Variants in EPHB1 observed in about 807,000 individuals in gnomAD.
EPHB1 encodes the protein ephrin type-B receptor 1.
A neutral mutation model predicts 94.4 loss-of-function variants in EPHB1; 30 were observed. That is an observed-to-expected ratio of 0.32 (90% CI 0.24 to 0.43). The LOEUF (loss-of-function observed/expected upper bound fraction) is 0.43, where lower values mean the gene tolerates loss of function less well. EPHB1 is among the 20% of genes least tolerant of loss of function. EPHB1 has a pLI of 1.00. For missense variants in EPHB1, 1,055 were observed against 1,308.3 expected (o/e 0.81, Z 2.99); for synonymous variants, 522 against 489.1 (o/e 1.07, Z -0.89).
At chr3:134,956,579 G>C (rs771222062) in intron 3 of EPHB1, among the ~76,000 whole-genome samples, 20 of 152,088 alleles carry the variant, frequency 1.3e-4, no homozygotes, top group Admixed American at 9.2e-4. Flanking sequence ...AAAGAGGAAG[G>C]GGGTATGCTT....
chr3:135,029,527 T>C (rs1936338162), intron 3 of EPHB1, among the ~76,000 whole-genome samples: 1 of 148,686 alleles, frequency 6.7e-6, no homozygotes. Flanking sequence ...AAAATTCTTT[T>C]CTTTAAGAAT....
intron 3 of EPHB1, among the ~76,000 whole-genome samples, chr3:135,084,664 G>C (rs1282393136): frequency 6.6e-6 from 1 of 152,172 alleles, no homozygotes; most frequent in Non-Finnish European, 1.5e-5. Flanking sequence ...CTGAGGTTCA[G>C]CTCCCTCATT....
At chr3:135,006,695 C>T (rs1046533244) in intron 3 of EPHB1, among the ~76,000 whole-genome samples, 6 of 152,166 alleles carry the variant, frequency 3.9e-5, no homozygotes, top group African/African-American at 1.4e-4. Context: ...GAGAATGCTG[C>T]AGTGAACATC....
chr3:135,230,434 T>C (rs1307376227), intron 12 of EPHB1, among the ~76,000 whole-genome samples: 2 of 152,094 alleles, frequency 1.3e-5, no homozygotes, highest in Non-Finnish European at 2.9e-5. Flanking sequence ...CTAAAGCCCT[T>C]TGGGGTGAGT....
intron 5 of EPHB1, among the ~76,000 whole-genome samples, chr3:135,153,210 T>C (rs1941247433): frequency 6.6e-6 from 1 of 152,048 alleles, no homozygotes; most frequent in Admixed American, 6.6e-5. Flanking sequence ...AGAGAAACCA[T>C]TGTAAAGTGG....
At chr3:135,165,904 C>G in intron 7 of EPHB1, 64 bp from the exon 8 acceptor site, 1 of 1,150,614 alleles carries the variant, frequency 8.7e-7, no homozygotes, top group Non-Finnish European at 1.3e-6. Flanking sequence ...TGGTATTGTG[C>G]ACTGAGTATC....
chr3:134,916,844 G>A (rs4955517), intron 1 of EPHB1, among the ~76,000 whole-genome samples: 8,248 of 152,304 alleles, frequency 0.054, 288 homozygotes, highest in Admixed American at 0.077. Context: ...CCTCAAGCGC[G>A]GCCAGAATGG....
At chr3:135,185,240 T>C (rs1488683017) in intron 10 of EPHB1, among the ~76,000 whole-genome samples, 1 of 151,966 alleles carries the variant, frequency 6.6e-6, no homozygotes, top group African/African-American at 2.4e-5. Context: ...GGGGATGGAG[T>C]CATCTGTGAG....
chr3:134,888,013 G>C (rs759305342), intron 1 of EPHB1, among the ~76,000 whole-genome samples: 3 of 152,192 alleles, frequency 2.0e-5, no homozygotes, highest in Admixed American at 6.5e-5. Context: ...AAGGACTTGA[G>C]CCCCTCTTCC....
chr3:134,846,838 A>G (rs1436925596), intron 1 of EPHB1, among the ~76,000 whole-genome samples: 1 of 152,194 alleles, frequency 6.6e-6, no homozygotes, highest in African/African-American at 2.4e-5. Flanking sequence ...TCACCTGGAT[A>G]AGGAATGGGC....
At chr3:135,104,179 C>G (rs1939126740) in intron 3 of EPHB1, among the ~76,000 whole-genome samples, 2 of 152,174 alleles carry the variant, frequency 1.3e-5, no homozygotes, top group Admixed American at 1.3e-4. Context: ...TCTGTATTCA[C>G]TGGCTGCAGA....
intron 10 of EPHB1, among the ~76,000 whole-genome samples, chr3:135,190,798 A>T (rs1942436376): frequency 6.6e-6 from 1 of 152,266 alleles, no homozygotes. Flanking sequence ...AAAGCCAAAC[A>T]TATAATAATA....
chr3:134,940,880 T>C (rs1431251967), intron 2 of EPHB1, among the ~76,000 whole-genome samples: 1 of 152,262 alleles, frequency 6.6e-6, no homozygotes, highest in Non-Finnish European at 1.5e-5. Flanking sequence ...TGCTTGGGGC[T>C]GCTGTAGTAG....
intron 3 of EPHB1, among the ~76,000 whole-genome samples, chr3:134,974,811 T>C (rs1379720032): frequency 6.6e-6 from 1 of 152,148 alleles, no homozygotes; most frequent in Non-Finnish European, 1.5e-5. Context: ...CGCAGTCCCA[T>C]GACTTCATCT....
intron 12 of EPHB1, among the ~76,000 whole-genome samples, chr3:135,212,232 ACCT>A (rs1480081019): frequency 6.6e-6 from 1 of 151,864 alleles, no homozygotes; most frequent in Non-Finnish European, 1.5e-5. Context: ...ATTTTTCTTT[ACCT>A]CATTGACCAT....
At chr3:134,870,847 C>T (rs1211818045) in intron 1 of EPHB1, among the ~76,000 whole-genome samples, 1 of 152,232 alleles carries the variant, frequency 6.6e-6, no homozygotes, top group Non-Finnish European at 1.5e-5. Context: ...TGTTTTTATA[C>T]TGTGTGTGGA....
intron 3 of EPHB1, among the ~76,000 whole-genome samples, chr3:135,063,260 TG>T (rs1254308948): frequency 6.6e-6 from 1 of 152,214 alleles, no homozygotes. Context: ...GTGTTAAATT[TG>T]TAGATTGCCT....
intron 3 of EPHB1, among the ~76,000 whole-genome samples, chr3:135,037,905 A>G (rs781539813): frequency 1.4e-4 from 21 of 152,356 alleles, no homozygotes; most frequent in Non-Finnish European, 2.5e-4. Context: ...ACTTGCAGGA[A>G]TTCTGCAGTT....
At position 135,010,598 on chromosome 3, in the gene EPHB1, T is replaced by C. The variant is rs39696; in HGVS notation, c.805+58546T>C. 2.2e-3 allele frequency among the ~76,000 whole-genome samples: 322 copies of C among 149,306 alleles called. 2 individuals carry two copies. The highest frequency in any genetic ancestry group is 7.4e-3 in the African/African-American group (303 of 40,718). On this transcript the variant is annotated intron_variant, in intron 3 of 15. Coordinates refer to ENST00000398015, the MANE Select transcript of EPHB1 (RefSeq NM_004441.5). ...TTTTTTTTTACGCAGAGTTTCACTC[T>C]TGTTGCCCAGGCTGCAGTGCAATGG...
Sources: allele counts gnomAD v4.1 joint callset (sites outside exome capture counted in the v4.1 genomes callset), GRCh38; gene constraint gnomAD v4.1.1; transcripts MANE v1.5; gene names NCBI Gene and HGNC (gene_info 2026-07-23, HGNC 2026-07-21).